Variants in KPNA5 observed in about 807,000 individuals in gnomAD.
KPNA5 encodes the protein importin subunit alpha-6.
KPNA5 carries 46 observed loss-of-function variants against 71.3 expected under a neutral mutation model. The observed-to-expected ratio is 0.65, with a 90% CI of 0.51 to 0.83. The LOEUF is 0.83. Ranked by LOEUF, KPNA5 falls within the 40% of genes least tolerant of loss-of-function variation. The pLI, the probability that KPNA5 is intolerant of heterozygous loss-of-function variation, is 0.00. For missense variants in KPNA5, 547 were observed against 628.3 expected, an observed-to-expected ratio of 0.87 and a Z score of 1.38; for synonymous variants, 207 against 201.4, an observed-to-expected ratio of 1.03 and a Z score of -0.24.
At chr6:116,703,779 C>T (rs1778325898) in intron 6 of KPNA5, among the ~76,000 whole-genome samples, 1 of 152,024 alleles carries the variant, frequency 6.6e-6, no homozygotes, top group South Asian at 2.1e-4. Context: ...ATAAAACTTT[C>T]CCAATTGAAA....
intron 2 of KPNA5, among the ~76,000 whole-genome samples, chr6:116,690,000 A>G (rs1002438540): frequency 1.4e-4 from 21 of 152,256 alleles, no homozygotes; most frequent in African/African-American, 4.8e-4. Flanking sequence ...AAGTAAGTAA[A>G]ATAATGTGGT....
chr6:116,685,185 A>G (rs988971463), intron 1 of KPNA5, among the ~76,000 whole-genome samples: 1 of 152,252 alleles, frequency 6.6e-6, no homozygotes, highest in Non-Finnish European at 1.5e-5. Flanking sequence ...ACAGTGGAAT[A>G]ACAGCAATAA....
chr6:116,701,125 C>T (rs1258414139), intron 5 of KPNA5, among the ~76,000 whole-genome samples: 1 of 152,040 alleles, frequency 6.6e-6, no homozygotes, highest in Non-Finnish European at 1.5e-5. Context: ...TAGTCCTACA[C>T]GTAAAAGTAA....
intron 7 of KPNA5, among the ~76,000 whole-genome samples, chr6:116,711,535 C>CGT (rs1778686026): frequency 9.7e-6 from 1 of 103,030 alleles, no homozygotes; most frequent in African/African-American, 4.8e-5. Context: ...GTATTTTCTG[C>CGT]ATATGTGTGT....
At chr6:116,711,436 G>T (rs1380575150) in intron 7 of KPNA5, among the ~76,000 whole-genome samples, 1 of 150,430 alleles carries the variant, frequency 6.6e-6, no homozygotes, top group Non-Finnish European at 1.5e-5. Context: ...TTTTCATATG[G>T]GGTGTTAACA....
chr6:116,695,228 C>T (rs569905397), intron 4 of KPNA5, among the ~76,000 whole-genome samples: 14 of 152,104 alleles, frequency 9.2e-5, no homozygotes, highest in Non-Finnish European at 1.8e-4. Context: ...CATGCTTGGC[C>T]TCGCAGTTAT....
chr6:116,726,633 A>G lies in KPNA5; in HGVS notation c.1253+11A>G. The stretch of plus-strand genomic sequence containing the variant: ...TCCAGAGCAAATAAGGTATGATATA[A>G]ACTTCTTAATTGTTTTTTACATGTA... On this transcript the variant is annotated intron_variant, in intron 12 of 13. Coordinates refer to ENST00000368564, the MANE Select transcript of KPNA5 (RefSeq NM_001366306.2). 1 of 1,559,792 alleles carries G rather than the reference A, an allele frequency of 6.4e-7. No homozygotes were observed. Among genetic ancestry groups the G allele is most frequent in the South Asian group, 1.3e-5 (1 of 79,342 alleles).
At chr6:116,684,976 T>C (rs567262585) in intron 1 of KPNA5, among the ~76,000 whole-genome samples, 1 of 152,316 alleles carries the variant, frequency 6.6e-6, no homozygotes, top group African/African-American at 2.4e-5. Context: ...AGTTTGGCAG[T>C]TTCTTATAAA....
In KPNA5 at chr6:116,736,395, T is replaced by C. The variant is rs2114522066; in HGVS notation, c.*4072T>C. Reference sequence around the variant, plus strand: ...GGGAGGTGACTGGGTACAAAGTTTCTTCTTTGAGCAATAAAAATAGGATTT... The same window carrying C: ...GGGAGGTGACTGGGTACAAAGTTTCCTCTTTGAGCAATAAAAATAGGATTT... On this transcript the variant is annotated 3_prime_UTR_variant, in exon 14 of 14. Transcript: ENST00000368564. 1 of 152,052 alleles carries C rather than the reference T, an allele frequency of 6.6e-6. No homozygotes were observed. The highest frequency in any genetic ancestry group is 1.9e-4 in the East Asian group (1 of 5,190). 9.4% of individuals were successfully genotyped at this position (152,052 alleles called of 1,614,324 possible). A position where few individuals can be genotyped will look rare whatever the true frequency, so the allele number is the denominator to read the frequency against.
At chr6:116,710,414 C>T (rs913596833) in intron 7 of KPNA5, among the ~76,000 whole-genome samples, 1 of 151,978 alleles carries the variant, frequency 6.6e-6, no homozygotes, top group African/African-American at 2.4e-5. Flanking sequence ...TTTGCGGCTA[C>T]ATAGTAGATA....
chr6:116,706,622 G>A (rs753044334), intron 7 of KPNA5, among the ~76,000 whole-genome samples: 1 of 152,128 alleles, frequency 6.6e-6, no homozygotes, highest in Non-Finnish European at 1.5e-5. Context: ...CCAGGAGGTG[G>A]AGGTTGTGGT....
At position 116,705,148 on chromosome 6, in the gene KPNA5, C is replaced by T. The variant is rs552057893; in HGVS notation, c.644C>T (p.Pro215Leu). ...TTTGTTTTGAATTGTGAAATACTTC[C>T]ACCTCTTTTAGAGTAAGTACTTTAT... ...RDFVLNCEILPPLLELLTNSN... is the reference protein window; with the variant it reads ...RDFVLNCEILLPLLELLTNSN... The change falls in exon 7 of 14, where the codon CCA becomes CTA. Residue 215 changes from proline to leucine, a missense_variant. Transcript: ENST00000368564. The T allele has an allele frequency of 6.2e-7, 1 of 1,607,872 alleles. No homozygotes were observed. Among genetic ancestry groups the T allele is most frequent in the East Asian group, 2.2e-5 (1 of 44,730 alleles).
chr6:116,705,830 G>A (rs978167937), intron 7 of KPNA5, among the ~76,000 whole-genome samples: 6 of 152,078 alleles, frequency 3.9e-5, no homozygotes, highest in African/African-American at 7.2e-5. Flanking sequence ...ATGGAGGTGC[G>A]TTTTCCATGC....
chr6:116,726,398 C>T, intron 11 of KPNA5, 97 bp from the exon 12 acceptor site: 2 of 949,168 alleles, frequency 2.1e-6, no homozygotes, highest in Admixed American at 5.7e-5. Context: ...GTTCCAAAAA[C>T]CTTGACATTT....
chr6:116,717,548 T>TC (rs1355338948), intron 8 of KPNA5, among the ~76,000 whole-genome samples: 1 of 152,118 alleles, frequency 6.6e-6, no homozygotes, highest in East Asian at 1.9e-4. Context: ...TCTTGCATCC[T>TC]CAGAAGAAAG....
At chr6:116,690,391 A>T (rs1777750979) in intron 2 of KPNA5, among the ~76,000 whole-genome samples, 1 of 152,202 alleles carries the variant, frequency 6.6e-6, no homozygotes, top group Non-Finnish European at 1.5e-5. Context: ...GCCCTGGCTC[A>T]CCCCTTTAAT....
intron 8 of KPNA5, among the ~76,000 whole-genome samples, chr6:116,716,577 C>G (rs981681116): frequency 6.6e-6 from 1 of 152,202 alleles, no homozygotes; most frequent in African/African-American, 2.4e-5. Context: ...TTTCAGAAAT[C>G]TTCTAGTCTA....
chr6:116,719,329 T>A (rs9489025), intron 8 of KPNA5, among the ~76,000 whole-genome samples: 1 of 152,006 alleles, frequency 6.6e-6, no homozygotes, highest in Non-Finnish European at 1.5e-5. Context: ...ATCTGGTGAT[T>A]TTTGAACAAA....
chr6:116,717,995 G>C (rs1161996672), intron 8 of KPNA5, among the ~76,000 whole-genome samples: 2 of 152,150 alleles, frequency 1.3e-5, no homozygotes, highest in African/African-American at 4.8e-5. Flanking sequence ...TAGTGCAGCA[G>C]GTGAGGATCA....
Sources: allele counts gnomAD v4.1 joint callset (sites outside exome capture counted in the v4.1 genomes callset), GRCh38; gene constraint gnomAD v4.1.1; transcripts MANE v1.5; gene names NCBI Gene and HGNC (gene_info 2026-07-23, HGNC 2026-07-21).